UGT1A10: variants seen among roughly 807,000 people sequenced by gnomAD.
UGT1A10 encodes the protein UDP glucuronosyltransferase family 1 member A10.
A neutral mutation model predicts 45.8 loss-of-function variants in UGT1A10; 49 were observed. The observed-to-expected ratio is 1.07, with a 90% CI of 0.85 to 1.36. UGT1A10 has a LOEUF of 1.36. Among genes scored for constraint, UGT1A10 ranks in the 40% most tolerant of loss-of-function variants. The pLI is 0.00. For synonymous variants in UGT1A10, 284 were observed against 249.7 expected, an observed-to-expected ratio of 1.14 and a Z score of -1.29; for missense variants, 745 against 668.6, an observed-to-expected ratio of 1.11 and a Z score of -1.26.
chr2:233,758,503 A>C (rs1293377688), intron 1 of UGT1A10, among the ~76,000 whole-genome samples: 1 of 152,234 alleles, frequency 6.6e-6, no homozygotes, highest in Non-Finnish European at 1.5e-5. Context: ...AATTTCTAAT[A>C]AGGACACAAC....
Position 233,661,858 on chromosome 2 carries a change from A to G in UGT1A10, c.855+24481A>G, listed in dbSNP as rs550924246. On this transcript the variant is annotated intron_variant, in intron 1 of 4. Transcript: ENST00000344644. ...ACTAGCGACACTTTGTATGGGTCCT[A>G]TGGTATTATTTAGAGTTTCTGATAT... 1.8e-4 allele frequency among the ~76,000 whole-genome samples: 27 copies of G among 152,036 alleles called. No individual in the cohort carries two copies. The South Asian group carries it at 4.8e-3, about 27-fold the overall frequency.
intron 1 of UGT1A10, among the ~76,000 whole-genome samples, chr2:233,747,017 T>A (rs1217876341): frequency 1.3e-5 from 2 of 151,764 alleles, no homozygotes; most frequent in Non-Finnish European, 2.9e-5. Flanking sequence ...GAGTGATCGG[T>A]CTTTCCCGAA....
intron 1 of UGT1A10, among the ~76,000 whole-genome samples, chr2:233,662,100 A>C (rs999397980): frequency 1.3e-5 from 2 of 152,214 alleles, no homozygotes; most frequent in Non-Finnish European, 2.9e-5. Flanking sequence ...CTATGCAGTT[A>C]TGACTTAATG....
chr2:233,746,667 C>T (rs4663969), intron 1 of UGT1A10, among the ~76,000 whole-genome samples: 19 of 151,232 alleles, frequency 1.3e-4, no homozygotes, highest in Non-Finnish European at 2.4e-4. Flanking sequence ...GAGTTCCTAG[C>T]ATAGTAGGTA....
chr2:233,649,024 A>C lies in UGT1A10; in HGVS notation c.855+11647A>C, dbSNP rs553715691. On this transcript the variant is annotated intron_variant, in intron 1 of 4. Coordinates refer to ENST00000344644, the MANE Select transcript of UGT1A10 (RefSeq NM_019075.4). ...CTGCAATCAGGGAAAGCCAGTGCCT[A>C]TGGTAAGTCATTGCTCCTTTAGCAC... 81 of 1,257,154 alleles carry C rather than the reference A, an allele frequency of 6.4e-5. No homozygotes were observed. The African/African-American group carries it at 1.0e-3, about 16-fold the overall frequency. The allele number at this position is 1,257,154 out of a possible 1,614,324, so 77.9% of individuals were successfully genotyped here. A position where few individuals can be genotyped will look rare whatever the true frequency, so the allele number is the denominator to read the frequency against.
chr2:233,739,651 G>A (rs1230499129), intron 1 of UGT1A10, among the ~76,000 whole-genome samples: 1 of 152,174 alleles, frequency 6.6e-6, no homozygotes, highest in African/African-American at 2.4e-5. Flanking sequence ...CCCAATTTCT[G>A]TACCCCCATT....
chr2:233,690,582 C>A, intron 1 of UGT1A10: 1 of 1,283,886 alleles, frequency 7.8e-7, no homozygotes, highest in Non-Finnish European at 1.0e-6. Flanking sequence ...CTGCAGCAAT[C>A]CCTGAGAAAA....
At position 233,665,709 on chromosome 2, in the gene UGT1A10, G is replaced by C. The variant is rs568262282; in HGVS notation, c.855+28332G>C. Among the ~76,000 whole-genome samples, 4 of 152,270 alleles carry C rather than the reference G, an allele frequency of 2.6e-5. No homozygotes were observed. The South Asian group carries it at 8.3e-4, about 32-fold the overall frequency. On this transcript the variant is annotated intron_variant, in intron 1 of 4. Transcript: ENST00000344644. ...AGGTGCACTGCATCCCTACCAGATA[G>C]GGATTTTTAAGATGCAAAAATATAA...
intron 1 of UGT1A10, among the ~76,000 whole-genome samples, chr2:233,700,822 T>G (rs536912731): frequency 2.6e-5 from 4 of 152,262 alleles, no homozygotes; most frequent in Non-Finnish European, 4.4e-5. Flanking sequence ...GCTGCACCCA[T>G]TAACTCGTCA....
intron 1 of UGT1A10, among the ~76,000 whole-genome samples, chr2:233,657,271 C>A (rs2741042): frequency 2.0e-5 from 3 of 152,022 alleles, no homozygotes; most frequent in African/African-American, 7.2e-5. Flanking sequence ...TTTTGTGTTG[C>A]TCTAAAGGAA....
At chr2:233,673,506 C>T (rs1283717697) in intron 1 of UGT1A10, among the ~76,000 whole-genome samples, 1 of 152,044 alleles carries the variant, frequency 6.6e-6, no homozygotes, top group Non-Finnish European at 1.5e-5. Flanking sequence ...TGACTAGAGC[C>T]CTACATGTAG....
At chr2:233,758,427 T>A (rs1366242338) in intron 1 of UGT1A10, among the ~76,000 whole-genome samples, 1 of 152,228 alleles carries the variant, frequency 6.6e-6, no homozygotes, top group African/African-American at 2.4e-5. Flanking sequence ...GCAAATGAAC[T>A]CACACAGCAT....
intron 4 of UGT1A10, among the ~76,000 whole-genome samples, chr2:233,771,932 C>G (rs909817739): frequency 6.6e-6 from 1 of 152,046 alleles, no homozygotes; most frequent in African/African-American, 2.4e-5. Context: ...CTGGGCAACA[C>G]AATAAGACCT....
chr2:233,668,497 A>G (rs188292161), intron 1 of UGT1A10, among the ~76,000 whole-genome samples: 2 of 152,338 alleles, frequency 1.3e-5, no homozygotes, highest in East Asian at 3.9e-4. Flanking sequence ...GCTTTTGTGA[A>G]TAGTGCCCCA....
chr2:233,669,255 A>ATT (rs35555682), intron 1 of UGT1A10, among the ~76,000 whole-genome samples: 51 of 150,950 alleles, frequency 3.4e-4, no homozygotes, highest in African/African-American at 1.0e-3. Flanking sequence ...ATTGCTCTCC[A>ATT]TTTTTTTTTC....
intron 1 of UGT1A10, among the ~76,000 whole-genome samples, chr2:233,645,656 T>G (rs2073581602): frequency 6.6e-6 from 1 of 152,178 alleles, no homozygotes; most frequent in Non-Finnish European, 1.5e-5. Context: ...CAAAATGATC[T>G]CCTTTGACTC....
At chr2:233,713,363 A>T (rs753739474) in intron 1 of UGT1A10, 20 of 1,614,076 alleles carry the variant, frequency 1.2e-5, no homozygotes, top group East Asian at 2.2e-5. Context: ...CTTTGATCAT[A>T]CATAGGTCTT....
chr2:233,737,637 G>A (rs1475956364), intron 1 of UGT1A10, among the ~76,000 whole-genome samples: 4 of 152,182 alleles, frequency 2.6e-5, no homozygotes, highest in Admixed American at 6.5e-5. Context: ...CATCTTCTGC[G>A]TCGATCATGC....
At chr2:233,765,117 T>C (rs1698755913) in intron 1 of UGT1A10, among the ~76,000 whole-genome samples, 1 of 152,162 alleles carries the variant, frequency 6.6e-6, no homozygotes, top group Admixed American at 6.5e-5. Flanking sequence ...CTCAGGACTG[T>C]TCAGGTTTTA....
Sources: allele counts gnomAD v4.1 joint callset (sites outside exome capture counted in the v4.1 genomes callset), GRCh38; gene constraint gnomAD v4.1.1; transcripts MANE v1.5; gene names NCBI Gene and HGNC (gene_info 2026-07-23, HGNC 2026-07-21).